Variants in LIMCH1 observed in about 807,000 individuals in gnomAD.
LIMCH1 encodes LIM and calponin homology domains 1, also known as LIM and calponin homology domains-containing protein 1.
Under a neutral mutation model 176.5 loss-of-function variants are expected in LIMCH1, and 113 were observed. The observed-to-expected ratio is 0.64, with a 90% confidence interval of 0.55 to 0.75. The LOEUF (loss-of-function observed/expected upper bound fraction) is 0.75, where lower values mean the gene tolerates loss of function less well. LIMCH1 is among the 30% of genes least tolerant of loss of function. The probability of loss-of-function intolerance (pLI) is 0.00; values close to 1 mark genes in which losing one functional copy is unlikely to be tolerated. For synonymous variants in LIMCH1, 619 were observed against 645.9 expected, an observed-to-expected ratio of 0.96 and a Z score of 0.63; for missense variants, 1,674 against 1,814.9, an observed-to-expected ratio of 0.92 and a Z score of 1.41.
At chr4:41,525,655 ATAAGT>A (rs1283774250) in intron 3 of LIMCH1, among the ~76,000 whole-genome samples, 1 of 152,172 alleles carries the variant, frequency 6.6e-6, no homozygotes. Context: ...ATGTAACCAA[ATAAGT>A]TAGTTAATAT....
Position 41,619,283 on chromosome 4 carries a change from C to T in LIMCH1, c.301C>T (p.Pro101Ser), listed in dbSNP as rs148274363. 7 of 1,614,064 alleles carry T rather than the reference C, an allele frequency of 4.3e-6. No individual in the cohort carries two copies. The African/African-American group carries it at 9.3e-5, about 22-fold the overall frequency. Residue 101 changes from proline (P) to serine (S), a missense_variant, in exon 6 of 32, where the codon CCG becomes TCG. By Grantham distance (74) the Pro-to-Ser change is moderately conservative (BLOSUM62 -1). This residue lies in a region of LIMCH1 where 655 missense variants were observed against 692.2 expected (regional missense o/e 0.95). Transcript: ENST00000503057. Reference protein sequence around the residue: ...MSARRTSHGEPKSAVPFNQYL... With the variant: ...MSARRTSHGESKSAVPFNQYL... ...TGCACGGCGGACTTCCCATGGTGAG[C>T]CGAAATCAGCAGTGCCTTTTAACCA... is the stretch of plus-strand genomic sequence containing the variant.
intron 4 of LIMCH1, chr4:41,612,827 T>C (rs1476899631): frequency 4.1e-6 from 5 of 1,219,900 alleles, no homozygotes; most frequent in Non-Finnish European, 5.5e-6. Flanking sequence ...AGGAAAAGCG[T>C]TTTGCATATT....
chr4:41,658,359 T>G (rs894305784), intron 18 of LIMCH1, among the ~76,000 whole-genome samples: 7 of 152,218 alleles, frequency 4.6e-5, no homozygotes, highest in African/African-American at 1.7e-4. Flanking sequence ...AAGCACCTTT[T>G]AAGGTAAGTT....
At chr4:41,482,306 G>A (rs957151541) in intron 1 of LIMCH1, among the ~76,000 whole-genome samples, 4 of 152,190 alleles carry the variant, frequency 2.6e-5, no homozygotes, top group African/African-American at 9.6e-5. Flanking sequence ...GATTGGATGC[G>A]ACTACCCGGG....
chr4:41,640,984 C>T (rs1289228813), intron 14 of LIMCH1, among the ~76,000 whole-genome samples: 1 of 152,188 alleles, frequency 6.6e-6, no homozygotes, highest in Non-Finnish European at 1.5e-5. Context: ...CCTGGCCCAC[C>T]AAAGGAGTCG....
At chr4:41,619,962 T>G in intron 6 of LIMCH1, 1 of 182,880 alleles carries the variant, frequency 5.5e-6, no homozygotes, top group African/African-American at 2.4e-5. Context: ...TGATTATGCT[T>G]TTGTATTTAT....
chr4:41,373,865 C>T (rs192133663), intron 1 of LIMCH1, among the ~76,000 whole-genome samples: 59 of 152,238 alleles, frequency 3.9e-4, no homozygotes, highest in Non-Finnish European at 7.1e-4. Context: ...AAATTTCCCC[C>T]TTGCTGTTCT....
At chr4:41,400,377 A>AT (rs1056869646) in intron 1 of LIMCH1, among the ~76,000 whole-genome samples, 1 of 151,966 alleles carries the variant, frequency 6.6e-6, no homozygotes, top group African/African-American at 2.4e-5. Context: ...TTCTCTGTCA[A>AT]TTTTTTTCCA....
At chr4:41,371,977 C>T (rs982514922) in intron 1 of LIMCH1, among the ~76,000 whole-genome samples, 4 of 152,292 alleles carry the variant, frequency 2.6e-5, no homozygotes, top group African/African-American at 4.8e-5. Flanking sequence ...TTAACACTTG[C>T]GTATTTTGTA....
intron 1 of LIMCH1, among the ~76,000 whole-genome samples, chr4:41,555,118 A>AGC (rs1313621811): frequency 0.024 from 3,714 of 152,304 alleles, 138 homozygotes; most frequent in African/African-American, 0.08. Flanking sequence ...CGAACAAGGC[A>AGC]TGAATAGTTA....
intron 1 of LIMCH1, among the ~76,000 whole-genome samples, chr4:41,542,626 C>T (rs981223369): frequency 4.6e-5 from 7 of 152,002 alleles, no homozygotes; most frequent in Admixed American, 3.3e-4. Context: ...TGAAGTTGAC[C>T]CATTTTCCTT....
chr4:41,479,940 A>G (rs1298006633), intron 1 of LIMCH1, among the ~76,000 whole-genome samples: 1 of 152,220 alleles, frequency 6.6e-6, no homozygotes, highest in Admixed American at 6.5e-5. Context: ...ATTTGCCTCA[A>G]CTAGATTTTC....
chr4:41,430,358 G>C (rs1021429037), intron 1 of LIMCH1, among the ~76,000 whole-genome samples: 1 of 152,172 alleles, frequency 6.6e-6, no homozygotes, highest in Non-Finnish European at 1.5e-5. Flanking sequence ...TGCCTCCAGA[G>C]GTTCAAGCGA....
At chr4:41,636,011 A>G (rs1468098082) in intron 13 of LIMCH1, among the ~76,000 whole-genome samples, 2 of 152,092 alleles carry the variant, frequency 1.3e-5, no homozygotes, top group Admixed American at 6.5e-5. Context: ...GACTTGAGCA[A>G]TCCTCCCACC....
At chr4:41,549,526 A>G (rs529292057) in intron 1 of LIMCH1, among the ~76,000 whole-genome samples, 2 of 152,276 alleles carry the variant, frequency 1.3e-5, no homozygotes, top group South Asian at 4.1e-4. Flanking sequence ...TCTCTCTACT[A>G]TAGCACTAGG....
At chr4:41,680,854 C>A in intron 24 of LIMCH1, 101 bp from the exon 25 acceptor site, 1 of 621,470 alleles carries the variant, frequency 1.6e-6, no homozygotes, top group Non-Finnish European at 2.9e-6. Context: ...CTTGTTCGAA[C>A]ATATTCTGAT....
At position 41,490,976 on chromosome 4, in the gene LIMCH1, G is replaced by A. The variant is rs1338458738; in HGVS notation, c.97-3560G>A. 1.9e-3 allele frequency among the ~76,000 whole-genome samples: 288 copies of A among 150,334 alleles called. 1 individual carries two copies. Among genetic ancestry groups the A allele is most frequent in the African/African-American group, 6.7e-3 (272 of 40,800 alleles). On this transcript the variant is annotated intron_variant, in intron 1 of 26. Transcript: ENST00000313860. ...GCACTCCTCACTTCCCAGACGGGGC[G>A]GCCGGGCAGAGGTGCTCCTCACTTC...
intron 1 of LIMCH1, among the ~76,000 whole-genome samples, chr4:41,395,879 T>C (rs927252445): frequency 6.6e-6 from 1 of 152,140 alleles, no homozygotes; most frequent in African/African-American, 2.4e-5. Flanking sequence ...ATAAGTGTCA[T>C]GGAGAAAAAT....
intron 1 of LIMCH1, among the ~76,000 whole-genome samples, chr4:41,364,443 C>T (rs1159243053): frequency 6.6e-6 from 1 of 152,046 alleles, no homozygotes; most frequent in Admixed American, 6.6e-5. Flanking sequence ...CACCAGATTT[C>T]CCGGGTAGAA....
Sources: allele counts gnomAD v4.1 joint callset (sites outside exome capture counted in the v4.1 genomes callset), GRCh38; gene constraint gnomAD v4.1.1; regional missense constraint gnomAD v4.1.1; transcripts MANE v1.5; gene names NCBI Gene and HGNC (gene_info 2026-07-23, HGNC 2026-07-21).